The following NPC1L1 variants were observed in gnomAD, a reference collection of about 807,000 sequenced individuals.
The protein encoded by NPC1L1 is NPC1-like intracellular cholesterol transporter 1.
A neutral mutation model predicts 117.0 loss-of-function variants in NPC1L1; 98 were observed. The observed-to-expected ratio is 0.84, with a 90% confidence interval of 0.71 to 0.99. NPC1L1 has a LOEUF of 0.99. Among genes scored for constraint, NPC1L1 ranks in the 50% least tolerant of loss-of-function variants. The pLI, the probability that NPC1L1 is intolerant of heterozygous loss-of-function variation, is 0.00. For synonymous variants in NPC1L1, 729 were observed against 727.6 expected (o/e 1.00, Z -0.03); for missense variants, 1,540 against 1,710.0 (o/e 0.90, Z 1.75).
chr7:44,533,077 G>A, intron 8 of NPC1L1: 1 of 298,886 alleles, frequency 3.3e-6, no homozygotes, highest in Non-Finnish European at 6.5e-6. Context: ...TTGCACTCCA[G>A]CCTGGGTGAC....
Position 44,539,425 on chromosome 7 carries a change from G to A in NPC1L1, c.972C>T (p.Ser324=), listed in dbSNP as rs370432900. The change falls in exon 2 of 19, where the codon AGC becomes AGT. Residue 324 remains serine (S), a synonymous_variant. Transcript: ENST00000381160. This position sits in a 1 kb window ranked among gnomAD's most constrained non-coding sequence, Gnocchi z 4.4. ...TGGAGAAGCTGAGCTTGTCAGAGAG[G>A]CTGGTGCCCTTCTTGGGGTCCACCA... ...SKMVDPKKGT[S]LSDKLSFSTH... 12 of 1,613,954 alleles carry A rather than the reference G, an allele frequency of 7.4e-6. No individual in the cohort carries two copies. Among genetic ancestry groups the A allele is most frequent in the Middle Eastern group, 1.6e-4 (1 of 6,084 alleles).
Position 44,516,886 on chromosome 7 carries a change from C to A in NPC1L1, c.3336G>T (p.Gly1112=), listed in dbSNP as rs188329482. ...CAAGGCAGAGGCTGAGCATGAAGAG[C>A]CCCTCAGGGAGGATGGTCAGGTACT... ...YEQYLTILPE[G]LFMLSLCLVP... Residue 1112 remains glycine, a synonymous_variant, in exon 16 of 19, where the codon GGG becomes GGT. Coordinates refer to ENST00000381160, the MANE Select transcript of NPC1L1 (RefSeq NM_001101648.2). The A allele has an allele frequency of 1.2e-6, 2 of 1,613,988 alleles. No homozygotes were observed. Among genetic ancestry groups the A allele is most frequent in the Non-Finnish European group, 1.7e-6 (2 of 1,180,040 alleles).
At chr7:44,535,196 T>C (rs1332008352) in intron 5 of NPC1L1, among the ~76,000 whole-genome samples, 2 of 151,980 alleles carry the variant, frequency 1.3e-5, no homozygotes, top group Non-Finnish European at 2.9e-5. Flanking sequence ...AGAAACCCCA[T>C]CTCTACTAAA....
Position 44,536,362 on chromosome 7 carries a change from T to G in NPC1L1, c.1748A>C (p.Asp583Ala). ...CAGCTTGGCCTGGGCCAGACGGGGG[T>G]CCCCGGCAGGGTAATTGTTGAGGGA... Reference protein sequence around the residue: ...TFSLNNYPAGDPRLAQAKLWE... With the variant: ...TFSLNNYPAGAPRLAQAKLWE... The change falls in exon 4 of 19, where the codon GAC becomes GCC. Residue 583 changes from aspartate to alanine, a missense_variant. Asp to Ala is a moderately radical substitution (Grantham distance 126). Around this residue, in one of 3 missense-constraint regions of NPC1L1, gnomAD observed 793 missense variants for 820.4 expected, o/e 0.97. Coordinates refer to ENST00000381160, the MANE Select transcript of NPC1L1 (RefSeq NM_001101648.2). This position sits in a 1 kb window ranked among gnomAD's most constrained non-coding sequence, Gnocchi z 4.7. The G allele has an allele frequency of 1.9e-6, 3 of 1,614,078 alleles. No individual in the cohort carries two copies. The highest frequency in any genetic ancestry group is 8.5e-7 in the Non-Finnish European group (1 of 1,180,018).
At chr7:44,533,620 T>C in intron 7 of NPC1L1, 62 bp from the exon 8 acceptor site, 2 of 1,613,406 alleles carry the variant, frequency 1.2e-6, no homozygotes, top group Non-Finnish European at 8.5e-7. Context: ...GTAGCCGACA[T>C]TGACAGGGTG....
chr7:44,521,691 T>TC, intron 12 of NPC1L1, 21 bp downstream of exon 12: 1 of 1,613,776 alleles, frequency 6.2e-7, no homozygotes, highest in Non-Finnish European at 8.5e-7. Context: ...GGACAGTGAG[T>TC]CCCCATGGCC....
Position 44,539,232 on chromosome 7 carries a change from G to T in NPC1L1, c.1165C>A (p.Gln389Lys), listed in dbSNP as rs1368420990. 6.2e-7 allele frequency: 1 copy of T among 1,614,136 alleles called. No individual in the cohort carries two copies. The highest frequency in any genetic ancestry group is 1.1e-5 in the South Asian group (1 of 91,090). The change falls in exon 2 of 19, where the codon CAA becomes AAA. Residue 389 changes from glutamine to lysine, a missense_variant. Gln to Lys is a moderately conservative substitution (Grantham distance 53). Transcript: ENST00000381160. This position sits in a 1 kb window ranked among gnomAD's most constrained non-coding sequence, Gnocchi z 4.4. Reference protein sequence around the residue: ...PVELWSAPNSQARSEKAFHDQ... With the variant: ...PVELWSAPNSKARSEKAFHDQ... The stretch of plus-strand genomic sequence containing the variant: ...TGGAAAGCTTTCTCACTCCGGGCTT[G>T]GCTGTTGGGGGCCGACCACAGCTCC...
Position 44,521,030 on chromosome 7 carries a change from C to T in NPC1L1, c.3042G>A (p.Trp1014Ter), listed in dbSNP as rs1324407398. ...TGATGTTGGGCCGGTCGTTCAGGAA[C>T]CAGGGAAGATACTTATGGAACTGCT... ...SVEQFHKYLP[W>*]FLNDRPNIKC... The change falls in exon 13 of 19, where the codon TGG (tryptophan) becomes TGA (stop). Residue 1014 changes from tryptophan (W) to a stop codon, truncating the protein, a stop_gained. Transcript: ENST00000381160. LOFTEE classifies it high-confidence loss of function. 6.2e-7 allele frequency: 1 copy of T among 1,614,178 alleles called. No individual in the cohort carries two copies. The highest frequency in any genetic ancestry group is 8.5e-7 in the Non-Finnish European group (1 of 1,180,046).
Position 44,535,987 on chromosome 7 carries a change from C to G in NPC1L1, c.1855-19G>C. ...GAGAGCGCTGTGGACACACACCCGA[C>G]CAGCCCCCACTGACCGTGCCTGCTT... is the stretch of plus-strand genomic sequence containing the variant. On this transcript the variant is annotated intron_variant, in intron 4 of 18. Transcript: ENST00000381160. The G allele has an allele frequency of 6.2e-7, 1 of 1,612,634 alleles. No homozygotes were observed. Among genetic ancestry groups the G allele is most frequent in the Non-Finnish European group, 8.5e-7 (1 of 1,179,974 alleles).
intron 2 of NPC1L1, 97 bp from the exon 3 acceptor site, chr7:44,537,039 A>G (rs1801922304): frequency 1.1e-6 from 1 of 939,658 alleles, no homozygotes; most frequent in Non-Finnish European, 1.6e-6. Context: ...CCACAGCACT[A>G]TGGAGGGTGA....
chr7:44,540,031 G>T lies in NPC1L1; in HGVS notation c.366C>A (p.Asn122Lys). ...RCPACSDNFV[N>K]LHCHNTCSPN... The stretch of plus-strand genomic sequence containing the variant: ...GGCTGCACGTGTTGTGGCAGTGCAG[G>T]TTCACAAAATTGTCAGAGCAGGCTG... Residue 122 changes from asparagine (N) to lysine (K), a missense_variant, in exon 2 of 19, where the codon AAC becomes AAA. Coordinates refer to ENST00000381160, the MANE Select transcript of NPC1L1 (RefSeq NM_001101648.2). 1 of 1,614,260 alleles carries T rather than the reference G, an allele frequency of 6.2e-7. No individual in the cohort carries two copies. The highest frequency in any genetic ancestry group is 8.5e-7 in the Non-Finnish European group (1 of 1,180,056).
chr7:44,519,912 C>A (rs1259770804), intron 14 of NPC1L1, among the ~76,000 whole-genome samples: 1 of 151,682 alleles, frequency 6.6e-6, no homozygotes, highest in African/African-American at 2.4e-5. Context: ...CTCAGGCATT[C>A]TTCCCGCCCA....
intron 10 of NPC1L1, among the ~76,000 whole-genome samples, chr7:44,530,263 G>A (rs1041226729): frequency 6.6e-5 from 10 of 151,684 alleles, no homozygotes; most frequent in Admixed American, 2.6e-4. Context: ...ACTTGAACCC[G>A]GGAGGCGGAG....
chr7:44,516,794 A>G lies in NPC1L1; in HGVS notation c.3428T>C (p.Leu1143Pro). 2 of 1,614,082 alleles carry G rather than the reference A, an allele frequency of 1.2e-6. No individual in the cohort carries two copies. Among genetic ancestry groups the G allele is most frequent in the Non-Finnish European group, 1.7e-6 (2 of 1,180,006 alleles). The change falls in exon 16 of 19, where the codon CTC becomes CCC. Residue 1143 changes from leucine to proline, a missense_variant. Leu to Pro is a moderately conservative substitution (Grantham distance 98). This residue lies in a region of NPC1L1 where 742 missense variants were observed against 873.6 expected (regional missense o/e 0.85). Coordinates refer to ENST00000381160, the MANE Select transcript of NPC1L1 (RefSeq NM_001101648.2). ...LDLRSGLLNL[L>P]SIVMILVDTV... Reference sequence around the variant, plus strand: ...GTCCACGAGGATCATGACAATGGAGAGCAGGTTGAGGAGGCCGGAGCGCAG... The same window carrying G: ...GTCCACGAGGATCATGACAATGGAGGGCAGGTTGAGGAGGCCGGAGCGCAG...
At position 44,531,742 on chromosome 7, in the gene NPC1L1, G is replaced by A. The variant is rs768451398; in HGVS notation, c.2637+13C>T. 9 of 1,560,628 alleles carry A rather than the reference G, an allele frequency of 5.8e-6. No individual in the cohort carries two copies. Among genetic ancestry groups the A allele is most frequent in the Non-Finnish European group, 7.8e-6 (9 of 1,152,062 alleles). The stretch of plus-strand genomic sequence containing the variant: ...TCCCAGGGGCCTAAGGGTTGAGAAG[G>A]GCCTGGGCTCACCTTGGGCAGGGCC... On this transcript the variant is annotated intron_variant, in intron 10 of 18. Coordinates refer to ENST00000381160, the MANE Select transcript of NPC1L1 (RefSeq NM_001101648.2).
Position 44,534,563 on chromosome 7 carries a change from T to C in NPC1L1, c.2050A>G (p.Met684Val). The change falls in exon 6 of 19, where the codon ATG becomes GTG. Residue 684 changes from methionine (M) to valine (V), a missense_variant. Around this residue, in one of 3 missense-constraint regions of NPC1L1, gnomAD observed 742 missense variants for 873.6 expected, o/e 0.85. Transcript: ENST00000381160. The surrounding 1 kb of genome is among the most constrained non-coding windows in gnomAD (Gnocchi z 5.2). Reference protein sequence around the residue: ...AVVLGAVMAAMGFFSYLGIRS... With the variant: ...AVVLGAVMAAVGFFSYLGIRS... ...ATACCCAAGTAGGAGAAGAAGCCCA[T>C]GGCAGCCATGACTGCTCCCAGGACC... The C allele has an allele frequency of 1.2e-6, 2 of 1,614,130 alleles. No individual in the cohort carries two copies. Among genetic ancestry groups the C allele is most frequent in the Non-Finnish European group, 1.7e-6 (2 of 1,180,014 alleles).
At position 44,536,179 on chromosome 7, in the gene NPC1L1, G is replaced by A. The variant is rs1292212099; in HGVS notation, c.1854+77C>T. The A allele has an allele frequency of 5.6e-6, 9 of 1,600,612 alleles. No homozygotes were observed. In the Admixed American group the frequency reaches 1.5e-4, roughly 27 times the overall value. ...CCAGGGTCACTTAGGAAGGGCCAGG[G>A]CCAGGATGGGGACACAGGAACTGAC... On this transcript the variant is annotated intron_variant, in intron 4 of 18. Coordinates refer to ENST00000381160, the MANE Select transcript of NPC1L1 (RefSeq NM_001101648.2). The surrounding 1 kb of genome is among the most constrained non-coding windows in gnomAD (Gnocchi z 4.7).
At position 44,539,610 on chromosome 7, in the gene NPC1L1, A is replaced by G. The variant is rs1463096158; in HGVS notation, c.787T>C (p.Cys263Arg). 1.9e-6 allele frequency: 3 copies of G among 1,613,952 alleles called. No individual in the cohort carries two copies. Among genetic ancestry groups the G allele is most frequent in the Non-Finnish European group, 2.5e-6 (3 of 1,180,004 alleles). The change falls in exon 2 of 19, where the codon TGT (cysteine) becomes CGT (arginine). Residue 263 changes from cysteine to arginine, a missense_variant. This residue lies in a region of NPC1L1 where 793 missense variants were observed against 820.4 expected (regional missense o/e 0.97). Transcript: ENST00000381160. This position sits in a 1 kb window ranked among gnomAD's most constrained non-coding sequence, Gnocchi z 4.4. ...TCSCQDCAASCPAIARPQALD... is the reference protein window; with the variant it reads ...TCSCQDCAASRPAIARPQALD... ...GCCTGGGGGCGGGCTATGGCAGGACAGGATGCAGCACAGTCTTGGCAGGAG... is the reference window on the plus strand; with the variant it reads ...GCCTGGGGGCGGGCTATGGCAGGACGGGATGCAGCACAGTCTTGGCAGGAG...
intron 8 of NPC1L1, chr7:44,533,120 T>G: frequency 3.4e-6 from 1 of 292,372 alleles, no homozygotes; most frequent in Non-Finnish European, 6.7e-6. Flanking sequence ...AAAAAAAAAG[T>G]TACATGCAGA....
Sources: gnomAD v4.1 joint callset for allele counts (sites outside exome capture counted in the v4.1 genomes callset) on GRCh38, gnomAD v4.1.1 for gene constraint, gnomAD v4.1.1 regional missense constraint, Gnocchi (gnomAD v3.1) non-coding constraint, MANE v1.5 for transcripts, NCBI Gene and HGNC (gene_info 2026-07-23, HGNC 2026-07-21) for gene names.